The following MACO1 variants were observed in gnomAD, a reference collection of about 807,000 sequenced individuals.
The protein encoded by MACO1 is macoilin 1, also known as macoilin.
Under a neutral mutation model 78.7 loss-of-function variants are expected in MACO1, and 14 were observed. The ratio of observed to expected loss-of-function variants is 0.18; its 90% confidence interval spans 0.12 to 0.28. The LOEUF (loss-of-function observed/expected upper bound fraction) is 0.28. Ranked by LOEUF, MACO1 falls within the 10% of genes least tolerant of loss-of-function variation. The pLI is 1.00. For missense variants in MACO1, 501 were observed against 799.0 expected (o/e 0.63, Z 4.50); for synonymous variants, 288 against 291.6 (o/e 0.99, Z 0.12).
At chr1:25,441,519 G>C (rs2042972849) in intron 1 of MACO1, among the ~76,000 whole-genome samples, 1 of 152,222 alleles carries the variant, frequency 6.6e-6, no homozygotes, top group African/African-American at 2.4e-5. Context: ...AAATAGTTAA[G>C]ATCCTGTAGT....
At position 25,430,943 on chromosome 1, in the gene MACO1, C is replaced by T. The variant is rs1232244438; in HGVS notation, c.-156C>T. 1 of 402,934 alleles carries T rather than the reference C, an allele frequency of 2.5e-6. No individual in the cohort carries two copies. Among genetic ancestry groups the T allele is most frequent in the Non-Finnish European group, 4.5e-6 (1 of 221,122 alleles). The allele number at this position is 402,934 out of a possible 1,614,324, so 25.0% of individuals were successfully genotyped here. A position where few individuals can be genotyped will look rare whatever the true frequency, so the allele number is the denominator to read the frequency against. On this transcript the variant is annotated 5_prime_UTR_variant, in exon 1 of 11. Coordinates refer to ENST00000374343, the MANE Select transcript of MACO1 (RefSeq NM_018202.6). Reference sequence around the variant, plus strand: ...GCGGAGGAGGCTCCGAGCCCCCCCTCCCCGTGCTACCCCCTCCCCCCGGGT... The same window carrying T: ...GCGGAGGAGGCTCCGAGCCCCCCCTTCCCGTGCTACCCCCTCCCCCCGGGT...
At chr1:25,460,367 C>T (rs1396158761) in intron 6 of MACO1, among the ~76,000 whole-genome samples, 2 of 151,964 alleles carry the variant, frequency 1.3e-5, no homozygotes, top group South Asian at 2.1e-4. Context: ...ATACACAAAA[C>T]ATCTGTCACA....
chr1:25,493,178 G>C (rs919590304), intron 10 of MACO1, among the ~76,000 whole-genome samples: 35 of 152,018 alleles, frequency 2.3e-4, no homozygotes, highest in African/African-American at 8.2e-4. Context: ...ACCCCAAAGA[G>C]GTTTATTTCA....
chr1:25,431,068 C>T lies in MACO1; in HGVS notation c.-31C>T, dbSNP rs755586585. On this transcript the variant is annotated 5_prime_UTR_variant, in exon 1 of 11. Coordinates refer to ENST00000374343, the MANE Select transcript of MACO1 (RefSeq NM_018202.6). The stretch of plus-strand genomic sequence containing the variant: ...CAGCTGAGGTGAGAGACGGCGGCGG[C>T]GGCGCGGGCACCCGGCCCCCCAGCG... The T allele has an allele frequency of 2.0e-5, 31 of 1,548,198 alleles. No individual in the cohort carries two copies. The highest frequency in any genetic ancestry group is 2.4e-5 in the Non-Finnish European group (28 of 1,148,110).
chr1:25,477,587 T>C (rs2043333550), intron 6 of MACO1, among the ~76,000 whole-genome samples: 1 of 152,196 alleles, frequency 6.6e-6, no homozygotes, highest in South Asian at 2.1e-4. Context: ...CATATATCTT[T>C]AGGTGGTTTT....
At position 25,498,250 on chromosome 1, in the gene MACO1, C is replaced by A. The variant is rs752427771; in HGVS notation, c.1793-14C>A. On this transcript the variant is annotated splice_polypyrimidine_tract_variant and intron_variant, in intron 10 of 10. Transcript: ENST00000374343. ...GCCTCCCTTTTCACTAATGGTGGGT[C>A]TTTGATCTTACAGGACAAATCCTTC... 1 of 1,613,916 alleles carries A rather than the reference C, an allele frequency of 6.2e-7. No individual in the cohort carries two copies. The highest frequency in any genetic ancestry group is 1.3e-5 in the African/African-American group (1 of 75,010).
At chr1:25,444,486 GA>G (rs923056837) in intron 1 of MACO1, among the ~76,000 whole-genome samples, 9 of 152,038 alleles carry the variant, frequency 5.9e-5, no homozygotes, top group Admixed American at 3.9e-4. Context: ...TAGACACAAG[GA>G]AAAAAACTCT....
chr1:25,434,861 G>A (rs2042906286), intron 1 of MACO1, among the ~76,000 whole-genome samples: 1 of 152,156 alleles, frequency 6.6e-6, no homozygotes, highest in South Asian at 2.1e-4. Flanking sequence ...ATTGCAGGCA[G>A]TGATTTTCCA....
intron 1 of MACO1, among the ~76,000 whole-genome samples, chr1:25,434,101 C>T (rs1049947949): frequency 4.6e-5 from 7 of 152,040 alleles, no homozygotes; most frequent in Admixed American, 2.0e-4. Flanking sequence ...AATTCTGTTT[C>T]GGGGTGAGAT....
chr1:25,451,390 C>T (rs960479745), intron 3 of MACO1, among the ~76,000 whole-genome samples: 2 of 152,042 alleles, frequency 1.3e-5, no homozygotes, highest in African/African-American at 4.8e-5. Context: ...ATTATACTTG[C>T]TCAAAAATGC....
At chr1:25,480,928 AAATATATATATATATATATATATAT>A (rs1380221033) in intron 6 of MACO1, among the ~76,000 whole-genome samples, 2 of 26,900 alleles carry the variant, frequency 7.4e-5, no homozygotes, top group African/African-American at 2.4e-4. Flanking sequence ...AAAAAAAAAA[AAATATATATATATATATATATATAT>A]ATATATATAT....
intron 1 of MACO1, among the ~76,000 whole-genome samples, chr1:25,437,625 C>T (rs980828542): frequency 2.6e-5 from 4 of 152,124 alleles, no homozygotes; most frequent in Admixed American, 6.5e-5. Flanking sequence ...TCGTCTTGCT[C>T]AGATGTAATA....
In MACO1 at chr1:25,444,517, C is replaced by G. The variant is rs2042999084; in HGVS notation, c.81-2245C>G. On this transcript the variant is annotated intron_variant, in intron 1 of 10. Transcript: ENST00000374343. ...AACTCTTAGTTTTAAAGTCAAGCAC[C>G]TTGGAAATCTAGTTTCAAACTAGAT... is the stretch of plus-strand genomic sequence containing the variant. Among the ~76,000 whole-genome samples, 2 of 152,086 alleles carry G rather than the reference C, an allele frequency of 1.3e-5. 1 individual carries two copies. Among genetic ancestry groups the G allele is most frequent in the South Asian group, 4.1e-4 (2 of 4,826 alleles).
intron 1 of MACO1, among the ~76,000 whole-genome samples, chr1:25,440,158 TAGG>T (rs543804648): frequency 1.3e-3 from 193 of 145,862 alleles, no homozygotes; most frequent in Non-Finnish European, 2.2e-3. Flanking sequence ...GAGGTCAAGG[TAGG>T]AGGATCACTT....
intron 4 of MACO1, among the ~76,000 whole-genome samples, chr1:25,455,959 T>C (rs1037124542): frequency 1.4e-4 from 22 of 152,182 alleles, no homozygotes; most frequent in African/African-American, 4.6e-4. Context: ...TCTACCCTTT[T>C]AGTTTTTAAA....
At chr1:25,497,106 C>T (rs2043544307) in intron 10 of MACO1, among the ~76,000 whole-genome samples, 2 of 152,048 alleles carry the variant, frequency 1.3e-5, no homozygotes, top group South Asian at 2.1e-4. Context: ...TTAGACCGGG[C>T]GCGGTGGCTC....
At chr1:25,484,337 A>G in intron 7 of MACO1, 63 bp downstream of exon 7, 6 of 1,497,734 alleles carry the variant, frequency 4.0e-6, no homozygotes, top group Non-Finnish European at 5.3e-6. Flanking sequence ...TCCTGTTGCC[A>G]GGGGTTGGAG....
At position 25,485,374 on chromosome 1, in the gene MACO1, T is replaced by C. The variant is rs2043420473; in HGVS notation, c.1314-239T>C. Among the ~76,000 whole-genome samples the C allele has an allele frequency of 6.6e-6, 1 of 152,190 alleles. No individual in the cohort carries two copies. Among genetic ancestry groups the C allele is most frequent in the Admixed American group, 6.5e-5 (1 of 15,268 alleles). On this transcript the variant is annotated intron_variant, in intron 7 of 10. Transcript: ENST00000374343. This position sits in a 1 kb window ranked among gnomAD's most constrained non-coding sequence, Gnocchi z 4.3. ...GATGACCTTTTGTAGATCACTTACT[T>C]GAACAGAGCAGAGGCTAGGTCTTAA... is the stretch of plus-strand genomic sequence containing the variant.
At chr1:25,461,200 G>A (rs1228738575) in intron 6 of MACO1, among the ~76,000 whole-genome samples, 4 of 127,710 alleles carry the variant, frequency 3.1e-5, no homozygotes, top group Non-Finnish European at 3.3e-5. Flanking sequence ...ATCACACTCC[G>A]GGGACTGTTG....
Sources: gnomAD v4.1 joint callset for allele counts (sites outside exome capture counted in the v4.1 genomes callset) on GRCh38, gnomAD v4.1.1 for gene constraint, Gnocchi (gnomAD v3.1) non-coding constraint, MANE v1.5 for transcripts, NCBI Gene and HGNC (gene_info 2026-07-23, HGNC 2026-07-21) for gene names.